DISC1: variants seen among roughly 807,000 people sequenced by gnomAD.
DISC1 encodes the protein disrupted in schizophrenia 1 protein.
In DISC1, 57 loss-of-function variants were observed where a neutral mutation model predicts 84.5. That is an observed-to-expected ratio of 0.67 (90% CI 0.55 to 0.84). DISC1 has a LOEUF of 0.84. Among genes scored for constraint, DISC1 ranks in the 40% least tolerant of loss-of-function variants. DISC1 has a pLI of 0.00. For synonymous variants in DISC1, 411 were observed against 415.2 expected, an observed-to-expected ratio of 0.99 and a Z score of 0.12; for missense variants, 1,000 against 1,057.8, an observed-to-expected ratio of 0.95 and a Z score of 0.76.
chr1:231,784,424 G>A (rs2077674417), intron 6 of DISC1, among the ~76,000 whole-genome samples: 1 of 152,224 alleles, frequency 6.6e-6, no homozygotes, highest in East Asian at 1.9e-4. Flanking sequence ...GTCATGATGT[G>A]ATGTATATTC....
At position 231,800,156 on chromosome 1, in the gene DISC1, G is replaced by T; in HGVS notation, c.1738G>T (p.Asp580Tyr). 6.2e-7 allele frequency: 1 copy of T among 1,611,794 alleles called. No homozygotes were observed. The change falls in exon 8 of 13, where the codon GAT becomes TAT. Residue 580 changes from aspartate to tyrosine, a missense_variant. This residue lies in a region of DISC1 where 397 missense variants were observed against 377.5 expected (regional missense o/e 1.05). Transcript: ENST00000439617. ...FCSTLRKKVNDIETQLPALLE... is the reference protein window; with the variant it reads ...FCSTLRKKVNYIETQLPALLE... ...CAGCACCCTGAGGAAGAAAGTTAAC[G>T]ATATTGAAACCCAACTACCAGCCTT...
chr1:231,780,573 T>G (rs1311613204), intron 6 of DISC1, among the ~76,000 whole-genome samples: 2 of 132,612 alleles, frequency 1.5e-5, no homozygotes, highest in Non-Finnish European at 3.2e-5. Flanking sequence ...GACTGTAAAC[T>G]AGTTCAACCA....
chr1:231,873,243 T>A lies in DISC1; in HGVS notation c.1981+54726T>A, dbSNP rs1481251142. Reference sequence around the variant, plus strand: ...TGAGTCACTATGAAAGATTTGGGAGTCTTTCCCATTAGTGCCCCGGTAAGA... The same window carrying A: ...TGAGTCACTATGAAAGATTTGGGAGACTTTCCCATTAGTGCCCCGGTAAGA... On this transcript the variant is annotated intron_variant, in intron 9 of 12. Coordinates refer to ENST00000439617, the MANE Select transcript of DISC1 (RefSeq NM_018662.3). Among the ~76,000 whole-genome samples the A allele has an allele frequency of 2.0e-5, 3 of 152,142 alleles. No individual in the cohort carries two copies. The East Asian group carries it at 5.8e-4, about 29-fold the overall frequency.
chr1:231,884,684 G>A (rs1412056174), intron 9 of DISC1, among the ~76,000 whole-genome samples: 7 of 151,936 alleles, frequency 4.6e-5, no homozygotes, highest in Non-Finnish European at 2.9e-5. Context: ...ACCACCCATT[G>A]GGCACTATAC....
chr1:231,891,258 G>A (rs1312340730), intron 9 of DISC1, among the ~76,000 whole-genome samples: 1 of 152,122 alleles, frequency 6.6e-6, no homozygotes, highest in Non-Finnish European at 1.5e-5. Flanking sequence ...TTTTAAGAAA[G>A]TTTACGAATT....
intron 3 of DISC1, among the ~76,000 whole-genome samples, chr1:231,740,951 A>G (rs1040161081): frequency 1.3e-5 from 2 of 152,334 alleles, no homozygotes; most frequent in South Asian, 4.1e-4. Flanking sequence ...TTTTTGGATT[A>G]GAGATGCTCA....
intron 9 of DISC1, among the ~76,000 whole-genome samples, chr1:231,913,122 G>A (rs12730672): frequency 0.43 from 64,553 of 151,808 alleles, 14,625 homozygotes; most frequent in Non-Finnish European, 0.5. Context: ...GTGTTGCCCA[G>A]GCTAGTCTCA....
chr1:231,716,203 C>T (rs2068685620), intron 3 of DISC1, among the ~76,000 whole-genome samples: 1 of 151,762 alleles, frequency 6.6e-6, no homozygotes, highest in African/African-American at 2.4e-5. Context: ...GAAAAATCTC[C>T]CTGCCAGCAG....
chr1:232,011,341 C>CCA (rs1252435608), intron 11 of DISC1, among the ~76,000 whole-genome samples: 3 of 152,124 alleles, frequency 2.0e-5, no homozygotes, highest in Non-Finnish European at 4.4e-5. Context: ...CAGATCCTCT[C>CCA]CACCAATTGA....
At chr1:231,844,926 C>CAA (rs1175955587) in intron 9 of DISC1, among the ~76,000 whole-genome samples, 736 of 68,752 alleles carry the variant, frequency 0.011, 8 homozygotes, top group African/African-American at 0.035. Flanking sequence ...GACTCTGACT[C>CAA]AAAAAAAAAA....
At chr1:231,699,533 T>C (rs2066142759) in intron 2 of DISC1, among the ~76,000 whole-genome samples, 1 of 152,184 alleles carries the variant, frequency 6.6e-6, no homozygotes, top group African/African-American at 2.4e-5. Context: ...GCTCTATATT[T>C]AACCAGCGGT....
chr1:231,997,995 T>A (rs1666175181), intron 10 of DISC1, among the ~76,000 whole-genome samples: 1 of 152,000 alleles, frequency 6.6e-6, no homozygotes. Flanking sequence ...ATACAAGGTG[T>A]TCAACACACA....
At chr1:231,839,313 A>ATTGACTACTT (rs1553370607) in intron 9 of DISC1, among the ~76,000 whole-genome samples, 2 of 152,184 alleles carry the variant, frequency 1.3e-5, no homozygotes, top group Admixed American at 6.5e-5. Context: ...TAAAGTAGAA[A>ATTGACTACTT]TACTACTACT....
At chr1:231,956,579 A>T (rs1659544585) in intron 9 of DISC1, among the ~76,000 whole-genome samples, 1 of 152,138 alleles carries the variant, frequency 6.6e-6, no homozygotes, top group Non-Finnish European at 1.5e-5. Flanking sequence ...TTCCACTCAG[A>T]ACACTCAAAA....
intron 3 of DISC1, chr1:231,722,704 A>G: frequency 6.3e-7 from 1 of 1,577,104 alleles, no homozygotes; most frequent in Non-Finnish European, 8.6e-7. Context: ...ACCCACGTGG[A>G]AGAATACGCT....
intron 9 of DISC1, among the ~76,000 whole-genome samples, chr1:231,898,438 GGGAA>G (rs2087876096): frequency 6.6e-6 from 1 of 152,178 alleles, no homozygotes; most frequent in Non-Finnish European, 1.5e-5. Context: ...AGTGAGTGAA[GGGAA>G]GGATGTTTTG....
chr1:231,971,153 G>T (rs1423899891), intron 10 of DISC1, among the ~76,000 whole-genome samples: 1 of 152,176 alleles, frequency 6.6e-6, no homozygotes, highest in Non-Finnish European at 1.5e-5. Flanking sequence ...AACCATTATA[G>T]CTTGAGTGTT....
rs3084378 is a variant in DISC1 at position 231,886,766 on chromosome 1, CCTTTCTTTCTTTCTTTCTTT to C, written c.1981+68299_1981+68318del. 2.2e-3 allele frequency among the ~76,000 whole-genome samples: 182 copies of C among 84,424 alleles called. 1 individual carries two copies. The highest frequency in any genetic ancestry group is 6.6e-3 in the Middle Eastern group (1 of 152). 55.4% of individuals were successfully genotyped at this position (84,424 alleles called of 152,430 possible). ...CTCTTTCTTCCTTTCTTCCTTCCTT[CCTTTCTTTCTTTCTTTCTTT>C]CTTTCTTTCTTTCTTTCTTTCTTTC... On this transcript the variant is annotated intron_variant, in intron 9 of 12. Transcript: ENST00000439617.
intron 10 of DISC1, among the ~76,000 whole-genome samples, chr1:231,981,957 G>A (rs555095672): frequency 3.7e-4 from 57 of 152,102 alleles, no homozygotes; most frequent in Non-Finnish European, 8.2e-4. Context: ...GTGGGGAGAG[G>A]TTTGATGAAA....
Sources: gnomAD v4.1 joint callset for allele counts (sites outside exome capture counted in the v4.1 genomes callset) on GRCh38, gnomAD v4.1.1 for gene constraint, gnomAD v4.1.1 regional missense constraint, MANE v1.5 for transcripts, NCBI Gene and HGNC (gene_info 2026-07-23, HGNC 2026-07-21) for gene names.